ZFHX4: variants seen among roughly 807,000 people sequenced by gnomAD.
The protein encoded by ZFHX4 is zinc finger homeobox 4.
Under a neutral mutation model 267.6 loss-of-function variants are expected in ZFHX4, and 56 were observed. That is an observed-to-expected ratio of 0.21 (90% CI 0.17 to 0.26). The LOEUF (loss-of-function observed/expected upper bound fraction) is 0.26. ZFHX4 is among the 10% of genes least tolerant of loss of function. ZFHX4 has a pLI of 1.00. For synonymous variants in ZFHX4, 1,778 were observed against 1,665.6 expected (o/e 1.07, Z -1.64); for missense variants, 4,332 against 4,420.0 (o/e 0.98, Z 0.56).
intron 3 of ZFHX4, among the ~76,000 whole-genome samples, chr8:76,762,696 T>C (rs184251999): frequency 4.9e-4 from 74 of 152,338 alleles, no homozygotes; most frequent in African/African-American, 1.8e-3. Context: ...AGTTCATCTT[T>C]GTGTTATCTT....
chr8:76,810,637 T>C (rs925819137), intron 4 of ZFHX4, among the ~76,000 whole-genome samples: 13 of 152,302 alleles, frequency 8.5e-5, no homozygotes, highest in African/African-American at 3.1e-4. Context: ...CTTCGGCTTC[T>C]GTATGGATGA....
At position 76,827,676 on chromosome 8, in the gene ZFHX4, C is replaced by T. The variant is rs115744899; in HGVS notation, c.3326-5662C>T. Among the ~76,000 whole-genome samples the T allele has an allele frequency of 7.5e-3, 1,137 of 152,100 alleles. 14 individuals are homozygous for T. Among genetic ancestry groups the T allele is most frequent in the African/African-American group, 0.026 (1,091 of 41,462 alleles). ...TATTGAAACTAATTTATATCAGGAA[C>T]GTATTAAATTCTTTTGAGGCCCCAT... On this transcript the variant is annotated intron_variant, in intron 4 of 10. Transcript: ENST00000651372.
chr8:76,756,568 T>C (rs1176043647), intron 3 of ZFHX4, among the ~76,000 whole-genome samples: 2 of 152,182 alleles, frequency 1.3e-5, no homozygotes, highest in Non-Finnish European at 2.9e-5. Context: ...CATTTTAGTT[T>C]AATACATGCA....
intron 3 of ZFHX4, among the ~76,000 whole-genome samples, chr8:76,773,784 TTA>T (rs1810332220): frequency 6.6e-6 from 1 of 152,178 alleles, no homozygotes; most frequent in Admixed American, 6.6e-5. Context: ...GCTTTTATAT[TTA>T]TATCTTTTAC....
chr8:76,829,450 G>A (rs966157084), intron 4 of ZFHX4, among the ~76,000 whole-genome samples: 2 of 152,060 alleles, frequency 1.3e-5, no homozygotes, highest in African/African-American at 4.8e-5. Context: ...GAGAGGCTTA[G>A]GGGTAGGTGT....
intron 4 of ZFHX4, 59 bp from the exon 5 acceptor site, chr8:76,833,262 GTTCTTGTAATATTAGCC>G (rs1233390567): frequency 3.0e-6 from 4 of 1,337,060 alleles, no homozygotes; most frequent in Non-Finnish European, 4.2e-6. Context: ...CAAATTTTGG[GTTCTTGTAATATTAGCC>G]ATGATGAGAG....
At chr8:76,762,683 C>T (rs958563956) in intron 3 of ZFHX4, among the ~76,000 whole-genome samples, 3 of 152,170 alleles carry the variant, frequency 2.0e-5, no homozygotes, top group African/African-American at 2.4e-5. Context: ...TTTACAACTC[C>T]TGAGTTCATC....
At chr8:76,729,689 C>G (rs1808947091) in intron 3 of ZFHX4, among the ~76,000 whole-genome samples, 1 of 152,074 alleles carries the variant, frequency 6.6e-6, no homozygotes, top group Non-Finnish European at 1.5e-5. Flanking sequence ...GATTCTAGCT[C>G]TTTGTTGTAT....
intron 3 of ZFHX4, among the ~76,000 whole-genome samples, chr8:76,747,933 AAAACAAACAAACAAAC>A (rs138245942): frequency 6.6e-6 from 1 of 150,832 alleles, no homozygotes; most frequent in South Asian, 2.1e-4. Context: ...GCTCTATCTC[AAAACAAACAAACAAAC>A]AAACAAACAA....
rs1328236572 is a variant in ZFHX4, at chr8:76,854,599, C to T, written c.7678C>T (p.Pro2560Ser). Residue 2560 changes from proline to serine, a missense_variant, in exon 10 of 11, where the codon CCC becomes TCC. Physicochemically the swap from Pro to Ser is moderately conservative, Grantham distance 74. Around this residue, in one of 7 missense-constraint regions of ZFHX4, gnomAD observed 1,648 missense variants for 1,625.0 expected, o/e 1.01. Coordinates refer to ENST00000651372, the MANE Select transcript of ZFHX4 (RefSeq NM_024721.5). Reference protein sequence around the residue: ...QLLGSSLTQMPPQASSSHTTA... With the variant: ...QLLGSSLTQMSPQASSSHTTA... ...GCTGGGCAGTTCCCTCACTCAAATG[C>T]CCCCTCAGGCCAGTTCCTCCCACAC... 8.1e-6 allele frequency: 13 copies of T among 1,613,586 alleles called. 1 individual carries two copies. In the Admixed American group the frequency reaches 1.8e-4, roughly 23 times the overall value.
chr8:76,718,770 T>C (rs979813312), intron 3 of ZFHX4, among the ~76,000 whole-genome samples: 5 of 152,116 alleles, frequency 3.3e-5, no homozygotes, highest in Admixed American at 1.3e-4. Context: ...TCAGTTTTTT[T>C]CCACATTTCC....
intron 3 of ZFHX4, among the ~76,000 whole-genome samples, chr8:76,728,240 A>G (rs1362101105): frequency 1.3e-5 from 2 of 152,162 alleles, no homozygotes; most frequent in African/African-American, 4.8e-5. Context: ...GGTTTGTGTA[A>G]TAGCTTTCCC....
intron 1 of ZFHX4, among the ~76,000 whole-genome samples, chr8:76,699,324 A>G (rs1808040579): frequency 6.6e-6 from 1 of 152,114 alleles, no homozygotes; most frequent in Non-Finnish European, 1.5e-5. Context: ...TTCACTTAAT[A>G]TTTTCTATCC....
At chr8:76,833,572 G>A in intron 5 of ZFHX4, 166 bp downstream of exon 5, 4 of 566,504 alleles carry the variant, frequency 7.1e-6, no homozygotes, top group Non-Finnish European at 1.2e-5. Flanking sequence ...TTCAATAATT[G>A]GAAGTATATG....
intron 3 of ZFHX4, among the ~76,000 whole-genome samples, chr8:76,737,267 T>G (rs1809187929): frequency 6.6e-6 from 1 of 152,200 alleles, no homozygotes; most frequent in Non-Finnish European, 1.5e-5. Context: ...CTGATACAGA[T>G]TTTTAAAAAA....
chr8:76,814,257 T>A (rs555152690), intron 4 of ZFHX4, among the ~76,000 whole-genome samples: 12 of 152,220 alleles, frequency 7.9e-5, no homozygotes, highest in Admixed American at 7.2e-4. Context: ...TAATAATTAT[T>A]AAAAACGAAA....
chr8:76,714,487 C>T (rs757527930), intron 3 of ZFHX4, among the ~76,000 whole-genome samples: 9 of 152,046 alleles, frequency 5.9e-5, no homozygotes, highest in East Asian at 1.9e-4. Context: ...TCCAGGAGAG[C>T]GTATGGGAGG....
intron 4 of ZFHX4, among the ~76,000 whole-genome samples, chr8:76,816,518 T>C (rs1357702679): frequency 6.6e-6 from 1 of 151,928 alleles, no homozygotes; most frequent in Non-Finnish European, 1.5e-5. Flanking sequence ...TAGGAGCTCC[T>C]AGCCAGATAT....
rs1355126225 is a variant in ZFHX4 at position 76,853,274 on chromosome 8, G to A, written c.6353G>A (p.Gly2118Glu). The A allele has an allele frequency of 6.2e-7, 1 of 1,601,644 alleles. No homozygotes were observed. Among genetic ancestry groups the A allele is most frequent in the African/African-American group, 1.3e-5 (1 of 74,618 alleles). ...ACCCAACTTTGCCAGCAGCAGCTCG[G>A]ATTAGATCCCAACTTCTTAAGACAT... is the stretch of plus-strand genomic sequence containing the variant. ...DLTQLCQQQL[G>E]LDPNFLRHSQ... Residue 2118 changes from glycine to glutamate, a missense_variant, in exon 10 of 11, where the codon GGA (glycine) becomes GAA (glutamate). By Grantham distance (98) the Gly-to-Glu change is moderately conservative. Transcript: ENST00000651372.
Sources: gnomAD v4.1 joint callset for allele counts (sites outside exome capture counted in the v4.1 genomes callset) on GRCh38, gnomAD v4.1.1 for gene constraint, gnomAD v4.1.1 regional missense constraint, MANE v1.5 for transcripts, NCBI Gene and HGNC (gene_info 2026-07-23, HGNC 2026-07-21) for gene names.